ATXN1: variants seen among roughly 807,000 people sequenced by gnomAD.
ATXN1 encodes ataxin 1.
ATXN1 carries 8 observed loss-of-function variants against 56.4 expected under a neutral mutation model. The observed-to-expected ratio is 0.14, with a 90% CI of 0.08 to 0.26. The LOEUF is 0.26. Among genes scored for constraint, ATXN1 ranks in the 10% least tolerant of loss-of-function variants. ATXN1 has a pLI of 1.00. For synonymous variants in ATXN1, 514 were observed against 494.6 expected (o/e 1.04, Z -0.52); for missense variants, 987 against 1,106.5 (o/e 0.89, Z 1.53).
intron 6 of ATXN1, among the ~76,000 whole-genome samples, chr6:16,453,897 T>C (rs925362075): frequency 1.1e-4 from 17 of 152,132 alleles, no homozygotes; most frequent in African/African-American, 2.7e-4. Context: ...TCCCAGCACT[T>C]TGGGAGGCTG....
intron 6 of ATXN1, among the ~76,000 whole-genome samples, chr6:16,373,357 A>T (rs1762083213): frequency 6.6e-6 from 1 of 152,194 alleles, no homozygotes. Context: ...CGGGCATATT[A>T]ATGTGTATGG....
At chr6:16,443,846 A>G (rs913355521) in intron 6 of ATXN1, among the ~76,000 whole-genome samples, 38 of 152,286 alleles carry the variant, frequency 2.5e-4, no homozygotes, top group African/African-American at 3.1e-4. Flanking sequence ...GCCAGGCACG[A>G]TGGCTCATGC....
intron 2 of ATXN1, among the ~76,000 whole-genome samples, chr6:16,665,717 C>T (rs140157476): frequency 6.6e-5 from 10 of 152,260 alleles, no homozygotes; most frequent in East Asian, 1.9e-4. Context: ...CTAACAAAGA[C>T]CATTAACCCA....
At chr6:16,401,512 G>A (rs1758569420) in intron 6 of ATXN1, among the ~76,000 whole-genome samples, 1 of 152,198 alleles carries the variant, frequency 6.6e-6, no homozygotes, top group Non-Finnish European at 1.5e-5. Flanking sequence ...GGCTGAGGGT[G>A]GAGAATCGCT....
At chr6:16,737,722 A>G (rs1319682705) in intron 2 of ATXN1, 1 of 152,224 alleles carries the variant, frequency 6.6e-6, no homozygotes, top group Non-Finnish European at 1.5e-5. Context: ...AGCAAGATGA[A>G]ATCCCAGAAG....
chr6:16,697,475 C>T (rs537342423), intron 2 of ATXN1, among the ~76,000 whole-genome samples: 11 of 152,016 alleles, frequency 7.2e-5, no homozygotes, highest in African/African-American at 2.7e-4. Context: ...ATCTCTAGGG[C>T]TTTTCTTCTT....
chr6:16,628,737 A>G (rs1344690246), intron 3 of ATXN1, among the ~76,000 whole-genome samples: 49 of 152,098 alleles, frequency 3.2e-4, no homozygotes, highest in Non-Finnish European at 1.5e-5. Flanking sequence ...TGTTCCTGTG[A>G]TAGTTTGCTA....
intron 5 of ATXN1, among the ~76,000 whole-genome samples, chr6:16,491,292 T>G (rs57113835): frequency 7.8e-6 from 1 of 128,234 alleles, no homozygotes; most frequent in Non-Finnish European, 1.6e-5. Context: ...TTTTTTTTTT[T>G]TTTTTTTTTG....
intron 3 of ATXN1, among the ~76,000 whole-genome samples, chr6:16,592,769 A>G (rs1268341400): frequency 6.6e-6 from 1 of 151,774 alleles, no homozygotes; most frequent in Non-Finnish European, 1.5e-5. Context: ...CACAGACCCA[A>G]AAGACTGAAC....
chr6:16,726,374 C>A (rs1581397042), intron 2 of ATXN1, among the ~76,000 whole-genome samples: 2 of 107,974 alleles, frequency 1.9e-5, no homozygotes, highest in Admixed American at 9.6e-5. Flanking sequence ...GAGCAAGACT[C>A]TGTCTCAAAA....
chr6:16,380,390 T>C (rs1423111094), intron 6 of ATXN1, among the ~76,000 whole-genome samples: 3 of 152,166 alleles, frequency 2.0e-5, no homozygotes, highest in Non-Finnish European at 4.4e-5. Context: ...TGGCTATTTA[T>C]TATCTAATAT....
intron 3 of ATXN1, among the ~76,000 whole-genome samples, chr6:16,647,876 G>A (rs1200587271): frequency 6.6e-6 from 1 of 152,172 alleles, no homozygotes; most frequent in Non-Finnish European, 1.5e-5. Flanking sequence ...AGGAGTTTGA[G>A]GCCATCCTGG....
At chr6:16,558,002 C>G (rs1297732191) in intron 4 of ATXN1, among the ~76,000 whole-genome samples, 1 of 152,030 alleles carries the variant, frequency 6.6e-6, no homozygotes, top group East Asian at 1.9e-4. Context: ...TAAGTGGATA[C>G]CAGGGGCCAG....
intron 6 of ATXN1, among the ~76,000 whole-genome samples, chr6:16,423,540 C>A (rs1363204187): frequency 6.6e-6 from 1 of 152,132 alleles, no homozygotes. Flanking sequence ...GGGCTCTCTT[C>A]ACAGATGAGA....
intron 2 of ATXN1, among the ~76,000 whole-genome samples, chr6:16,708,854 T>C (rs1357687264): frequency 6.6e-6 from 1 of 151,944 alleles, no homozygotes; most frequent in Non-Finnish European, 1.5e-5. Flanking sequence ...GGCGAAACCC[T>C]GTCTCTACTA....
intron 2 of ATXN1, among the ~76,000 whole-genome samples, chr6:16,702,806 G>T (rs1227748490): frequency 6.6e-6 from 1 of 152,168 alleles, no homozygotes; most frequent in Non-Finnish European, 1.5e-5. Flanking sequence ...AGTTAGAATG[G>T]CAATCATTAA....
chr6:16,483,990 A>G (rs1760490307), intron 6 of ATXN1, among the ~76,000 whole-genome samples: 1 of 152,242 alleles, frequency 6.6e-6, no homozygotes, highest in Non-Finnish European at 1.5e-5. Context: ...TAACTGGAGT[A>G]CCCAAATCTA....
chr6:16,661,217 T>C (rs1758313795), intron 2 of ATXN1, among the ~76,000 whole-genome samples: 1 of 152,114 alleles, frequency 6.6e-6, no homozygotes, highest in African/African-American at 2.4e-5. Context: ...TCTTACACCA[T>C]ATGGAAAATA....
intron 6 of ATXN1, among the ~76,000 whole-genome samples, chr6:16,458,388 C>T (rs1759922967): frequency 6.6e-6 from 1 of 152,142 alleles, no homozygotes; most frequent in South Asian, 2.1e-4. Flanking sequence ...CTATGGGAGG[C>T]CTTAAGAAAA....
Sources: gnomAD v4.1 joint callset for allele counts (sites outside exome capture counted in the v4.1 genomes callset) on GRCh38, gnomAD v4.1.1 for gene constraint, MANE v1.5 for transcripts, NCBI Gene and HGNC (gene_info 2026-07-23, HGNC 2026-07-21) for gene names.